The following NEUROD1 variants were observed in gnomAD, a reference collection of about 807,000 sequenced individuals.
The protein encoded by NEUROD1 is neuronal differentiation 1, also known as neurogenic differentiation factor 1.
NEUROD1 carries 9 observed loss-of-function variants against 21.8 expected under a neutral mutation model. That is an observed-to-expected ratio of 0.41 (90% CI 0.25 to 0.72). The LOEUF (loss-of-function observed/expected upper bound fraction) is 0.72. NEUROD1 is among the 30% of genes least tolerant of loss of function. The pLI is 0.31. For missense variants in NEUROD1, 434 were observed against 468.8 expected, an observed-to-expected ratio of 0.93 and a Z score of 0.69; for synonymous variants, 199 against 186.2, an observed-to-expected ratio of 1.07 and a Z score of -0.56.
intron 1 of NEUROD1, 114 bp downstream of exon 1, chr2:181,680,316 G>C (rs1688673220): frequency 6.6e-6 from 1 of 152,180 alleles, no homozygotes; most frequent in Non-Finnish European, 1.5e-5. Context: ...GGGGGATGCT[G>C]GTCTCAATAC....
rs1688602099 is a variant in NEUROD1, at chr2:181,677,535, T to A, written c.*255A>T. 2.0e-6 allele frequency: 1 copy of A among 496,382 alleles called. No individual in the cohort carries two copies. The highest frequency in any genetic ancestry group is 3.5e-6 in the Non-Finnish European group (1 of 283,810). The allele number at this position is 496,382 out of a possible 1,614,324, so 30.7% of individuals were successfully genotyped here. ...GAATACAGCCACACCAAATTCGTGG[T>A]GTATTTTTTAAACTTTACTGTATTT... On this transcript the variant is annotated 3_prime_UTR_variant, in exon 2 of 2. Coordinates refer to ENST00000295108, the MANE Select transcript of NEUROD1 (RefSeq NM_002500.5).
In NEUROD1 at chr2:181,677,681, G is replaced by A. The variant is rs966501464; in HGVS notation, c.*109C>T. 1 of 1,594,130 alleles carries A rather than the reference G, an allele frequency of 6.3e-7. No homozygotes were observed. The highest frequency in any genetic ancestry group is 1.3e-5 in the African/African-American group (1 of 74,776). ...ATACATATATCACTTGAAGCTTGGA[G>A]TATTTGCACTTTGCAGCAGTAGTAC... On this transcript the variant is annotated 3_prime_UTR_variant, in exon 2 of 2. Coordinates refer to ENST00000295108, the MANE Select transcript of NEUROD1 (RefSeq NM_002500.5).
In NEUROD1 at chr2:181,678,105, C is replaced by T; in HGVS notation, c.756G>A (p.Ala252=). The T allele has an allele frequency of 6.2e-7, 1 of 1,614,194 alleles. No individual in the cohort carries two copies. Among genetic ancestry groups the T allele is most frequent in the South Asian group, 1.1e-5 (1 of 91,078 alleles). The change falls in exon 2 of 2, where the codon GCG becomes GCA. Residue 252 remains alanine, a synonymous_variant. Transcript: ENST00000295108. The surrounding 1 kb of genome is among the most constrained non-coding windows in gnomAD (Gnocchi z 5.5). ...VKPPPHAYSA[A]LEPFFESPLT... Reference sequence around the variant, plus strand: ...GAGGGCTTTCAAAGAAGGGCTCCAGCGCTGCGCTGTAGGCGTGCGGCGGAG... The same window carrying T: ...GAGGGCTTTCAAAGAAGGGCTCCAGTGCTGCGCTGTAGGCGTGCGGCGGAG...
downstream of NEUROD1, among the ~76,000 whole-genome samples, chr2:181,669,109 C>G (rs1688460857): frequency 6.6e-6 from 1 of 152,132 alleles, no homozygotes; most frequent in Admixed American, 6.6e-5. Context: ...CTACCCAACA[C>G]CTTCCTCAAT....
chr2:181,672,047 C>A (rs1259146189), downstream of NEUROD1, among the ~76,000 whole-genome samples: 1 of 151,930 alleles, frequency 6.6e-6, no homozygotes, highest in Non-Finnish European at 1.5e-5. Flanking sequence ...AGAACAAGTG[C>A]AATTACTGAA....
downstream of NEUROD1, among the ~76,000 whole-genome samples, chr2:181,675,312 C>T (rs530409091): frequency 2.0e-5 from 3 of 152,312 alleles, no homozygotes; most frequent in East Asian, 5.8e-4. Flanking sequence ...GTATTCCTTA[C>T]TGCTTCTGTC....
chr2:181,671,939 C>T (rs750924635), downstream of NEUROD1, among the ~76,000 whole-genome samples: 5 of 151,998 alleles, frequency 3.3e-5, no homozygotes, highest in Admixed American at 2.0e-4. Flanking sequence ...CCATTGAGCG[C>T]GAACACTAAA....
downstream of NEUROD1, among the ~76,000 whole-genome samples, chr2:181,673,703 A>G (rs964537294): frequency 6.6e-6 from 1 of 152,218 alleles, no homozygotes; most frequent in African/African-American, 2.4e-5. Context: ...TTTGAAACCT[A>G]GTTTTATTAA....
chr2:181,678,978 G>A lies in NEUROD1; in HGVS notation c.-11-107C>T. The A allele has an allele frequency of 2.2e-6, 3 of 1,355,302 alleles. No individual in the cohort carries two copies. The highest frequency in any genetic ancestry group is 2.4e-5 in the East Asian group (1 of 42,472). 84.0% of individuals were successfully genotyped at this position (1,355,302 alleles called of 1,614,324 possible). ...ACTCCCTAAACCTGTACAAATGCTT[G>A]CGAAAAGTACCTGCCCATTACAAAA... On this transcript the variant is annotated intron_variant, in intron 1 of 1. Transcript: ENST00000295108. This position sits in a 1 kb window ranked among gnomAD's most constrained non-coding sequence, Gnocchi z 5.5.
At chr2:181,673,670 A>G (rs1018803559), downstream of NEUROD1, 2 of 152,238 alleles carry the variant, frequency 1.3e-5, no homozygotes, top group African/African-American at 4.8e-5. Flanking sequence ...TACATTTCCC[A>G]TTAGGAGAAA....
rs1258393039 is a variant in NEUROD1 at position 181,678,319 on chromosome 2, G to C, written c.542C>G (p.Thr181Ser). Reference sequence around the variant, plus strand: ...TTGCAGGCAGCCCGCAACCAGGTTGGTGGTGGGTTGGGATAAGCCCTTGCA... The same window carrying C: ...TTGCAGGCAGCCCGCAACCAGGTTGCTGGTGGGTTGGGATAAGCCCTTGCA... ...TLCKGLSQPT[T>S]NLVAGCLQLN... Residue 181 changes from threonine (T) to serine (S), a missense_variant, in exon 2 of 2, where the codon ACC becomes AGC. Physicochemically the swap from Thr to Ser is moderately conservative, Grantham distance 58. Transcript: ENST00000295108. This position sits in a 1 kb window ranked among gnomAD's most constrained non-coding sequence, Gnocchi z 5.5. The C allele has an allele frequency of 1.2e-6, 2 of 1,614,010 alleles. No individual in the cohort carries two copies. The highest frequency in any genetic ancestry group is 1.7e-6 in the Non-Finnish European group (2 of 1,179,974).
downstream of NEUROD1, among the ~76,000 whole-genome samples, chr2:181,674,254 C>T (rs1688533970): frequency 6.6e-6 from 1 of 152,106 alleles, no homozygotes; most frequent in Admixed American, 6.5e-5. Context: ...ATAGTCGTGG[C>T]TCAAGATGAA....
rs1464981390 is a variant in NEUROD1 at position 181,676,906 on chromosome 2, T to C, written c.*884A>G. On this transcript the variant is annotated 3_prime_UTR_variant, in exon 2 of 2. Coordinates refer to ENST00000295108, the MANE Select transcript of NEUROD1 (RefSeq NM_002500.5). ...TAACAGTGCAAATTGTATGTGATAG[T>C]CAAGCAGCTTTTGATTTAAAGAAGG... The C allele has an allele frequency of 6.6e-6, 1 of 152,570 alleles. No individual in the cohort carries two copies. The highest frequency in any genetic ancestry group is 2.4e-5 in the African/African-American group (1 of 41,462). The allele number at this position is 152,570 out of a possible 1,614,324, so 9.5% of individuals were successfully genotyped here.
At chr2:181,679,377 T>C (rs949469430) in intron 1 of NEUROD1, among the ~76,000 whole-genome samples, 1 of 152,212 alleles carries the variant, frequency 6.6e-6, no homozygotes, top group African/African-American at 2.4e-5. Context: ...TTACTAATAC[T>C]GGCAGCGATT....
At chr2:181,673,440 C>T (rs1688524723), downstream of NEUROD1, 1 of 152,374 alleles carries the variant, frequency 6.6e-6, no homozygotes, top group East Asian at 1.9e-4. Flanking sequence ...CCATACAAAT[C>T]ACTGTGCATC....
downstream of NEUROD1, among the ~76,000 whole-genome samples, chr2:181,675,753 G>A (rs1313897034): frequency 6.6e-6 from 1 of 152,034 alleles, no homozygotes; most frequent in African/African-American, 2.4e-5. Context: ...CAAAGGGTGG[G>A]GGGAGGAAAT....
rs1688617833 is a variant in NEUROD1 at position 181,678,062 on chromosome 2, G to A, written c.799C>T (p.Pro267Ser). The change falls in exon 2 of 2, where the codon CCT becomes TCT. Residue 267 changes from proline to serine, a missense_variant. Pro to Ser is a moderately conservative substitution (Grantham distance 74). Transcript: ENST00000295108. The surrounding 1 kb of genome is among the most constrained non-coding windows in gnomAD (Gnocchi z 5.5). Reference sequence around the variant, plus strand: ...GGGCTGAGGGGTCCATCAAAGGAAGGGCTGGTGCAATCAGTCAGAGGGCTT... The same window carrying A: ...GGGCTGAGGGGTCCATCAAAGGAAGAGCTGGTGCAATCAGTCAGAGGGCTT... ...FESPLTDCTS[P>S]SFDGPLSPPL... The A allele has an allele frequency of 6.2e-7, 1 of 1,614,208 alleles. No individual in the cohort carries two copies. The highest frequency in any genetic ancestry group is 8.5e-7 in the Non-Finnish European group (1 of 1,180,032).
chr2:181,678,799 C>G lies in NEUROD1; in HGVS notation c.62G>C (p.Ser21Thr). The change falls in exon 2 of 2, where the codon AGC becomes ACC. Residue 21 changes from serine (S) to threonine (T), a missense_variant. Ser to Thr is a moderately conservative substitution (Grantham distance 58). Transcript: ENST00000295108. This position sits in a 1 kb window ranked among gnomAD's most constrained non-coding sequence, Gnocchi z 5.5. ...AGAACTGAGACACTCGTCTGTCCAG[C>G]TTGGAGGACCTTGGGGCTGAGGCTC... ...MGEPQPQGPP[S>T]WTDECLSSQD... is the part of the protein sequence containing the mutation. The G allele has an allele frequency of 8.1e-6, 13 of 1,614,040 alleles. No homozygotes were observed. Among genetic ancestry groups the G allele is most frequent in the Non-Finnish European group, 1.1e-5 (13 of 1,179,988 alleles).
At chr2:181,679,674 C>T (rs1009226536) in intron 1 of NEUROD1, among the ~76,000 whole-genome samples, 3 of 152,258 alleles carry the variant, frequency 2.0e-5, no homozygotes, top group Non-Finnish European at 4.4e-5. Flanking sequence ...ATAAACAGCC[C>T]ATTGAAAGGG....
Sources: allele counts gnomAD v4.1 joint callset (sites outside exome capture counted in the v4.1 genomes callset), GRCh38; gene constraint gnomAD v4.1.1; non-coding constraint Gnocchi (gnomAD v3.1); transcripts MANE v1.5; gene names NCBI Gene and HGNC (gene_info 2026-07-23, HGNC 2026-07-21).